ZNF479: variants seen among roughly 807,000 people sequenced by gnomAD.
The protein encoded by ZNF479 is KRAB zinc finger protein KR19.
In ZNF479, 15 loss-of-function variants were observed where a neutral mutation model predicts 14.7. The ratio of observed to expected loss-of-function variants is 1.02; its 90% CI spans 0.68 to 1.57. The LOEUF (loss-of-function observed/expected upper bound fraction) is 1.57. ZNF479 is among the 40% of genes most tolerant of loss of function. The pLI, the probability that ZNF479 is intolerant of heterozygous loss-of-function variation, is 0.00. For missense variants in ZNF479, 506 were observed against 615.1 expected (o/e 0.82, Z 1.88); for synonymous variants, 145 against 211.5 (o/e 0.69, Z 2.73).
At chr7:57,134,665 CTTTTTTTTTTTT>C (rs71053216), upstream of ZNF479, among the ~76,000 whole-genome samples, 8 of 106,482 alleles carry the variant, frequency 7.5e-5, no homozygotes, top group African/African-American at 2.6e-4. Flanking sequence ...TTTCTTCTAT[CTTTTTTTTTTTT>C]TTTTTTTTTG....
chr7:57,132,387 C>T lies in ZNF479; in HGVS notation c.-63G>A. 6.2e-7 allele frequency: 1 copy of T among 1,611,922 alleles called. No homozygotes were observed. The stretch of plus-strand genomic sequence containing the variant: ...GCTTGGCCTCTAGGAGCAGAGGACA[C>T]AGAGCAGTGAAGAGGAGAACTGCAG... On this transcript the variant is annotated 5_prime_UTR_variant, in exon 1 of 4. The change creates a new upstream start codon in the 5' untranslated region. Coordinates refer to ENST00000319636, the MANE Select transcript of ZNF479 (RefSeq NM_001370129.2).
upstream of ZNF479, among the ~76,000 whole-genome samples, chr7:57,132,652 C>A (rs532583303): frequency 1.3e-5 from 2 of 152,226 alleles, no homozygotes; most frequent in Admixed American, 1.3e-4. Context: ...CGGAGCCAGG[C>A]CAACTTCAGA....
Position 57,118,434 on chromosome 7 carries a change from C to G in ZNF479, c.*1406G>C, listed in dbSNP as rs1390341363. On this transcript the variant is annotated 3_prime_UTR_variant, in exon 4 of 4. Coordinates refer to ENST00000319636, the MANE Select transcript of ZNF479 (RefSeq NM_001370129.2). ...TCACCCAGGCTGTAGTGTAGTGGCTCTATCTCAGCTCACTGCAACCTCTGC... is the reference window on the plus strand; with the variant it reads ...TCACCCAGGCTGTAGTGTAGTGGCTGTATCTCAGCTCACTGCAACCTCTGC... Among the ~76,000 whole-genome samples the G allele has an allele frequency of 9.2e-5, 14 of 152,136 alleles. No individual in the cohort carries two copies. Among genetic ancestry groups the G allele is most frequent in the African/African-American group, 3.4e-4 (14 of 41,436 alleles).
intron 1 of ZNF479, 25 bp from the exon 2 acceptor site, chr7:57,126,743 C>T (rs1786186218): frequency 6.2e-7 from 1 of 1,613,570 alleles, no homozygotes; most frequent in Non-Finnish European, 8.5e-7. Context: ...AACAAAACCA[C>T]TCATGAACAC....
At chr7:57,139,158 C>A (rs1002011930) in intron 1 of ZNF479, among the ~76,000 whole-genome samples, 4 of 152,206 alleles carry the variant, frequency 2.6e-5, no homozygotes, top group Non-Finnish European at 4.4e-5. Context: ...GAGATTGTGA[C>A]TCTCATATGC....
At chr7:57,130,933 A>C (rs1259457715) in intron 1 of ZNF479, among the ~76,000 whole-genome samples, 1 of 152,234 alleles carries the variant, frequency 6.6e-6, no homozygotes, top group African/African-American at 2.4e-5. Flanking sequence ...AAGAAAGAAC[A>C]ACATCATGTC....
chr7:57,135,611 C>A (rs1406115835), upstream of ZNF479, among the ~76,000 whole-genome samples: 1 of 152,076 alleles, frequency 6.6e-6, no homozygotes, highest in Non-Finnish European at 1.5e-5. Context: ...TGGGGTTTCA[C>A]CATGTTGGCC....
At chr7:57,134,195 G>T (rs562713282), upstream of ZNF479, among the ~76,000 whole-genome samples, 1 of 152,156 alleles carries the variant, frequency 6.6e-6, no homozygotes, top group African/African-American at 2.4e-5. Context: ...TAAGTCACAG[G>T]ATAAATAGAA....
chr7:57,136,732 T>C (rs564918207), upstream of ZNF479, among the ~76,000 whole-genome samples: 314 of 152,294 alleles, frequency 2.1e-3, 1 homozygote, highest in African/African-American at 7.4e-3. Flanking sequence ...CAGGGTTCAA[T>C]TTCTGGCTTA....
chr7:57,137,377 T>G (rs909342009), upstream of ZNF479, among the ~76,000 whole-genome samples: 1 of 152,068 alleles, frequency 6.6e-6, no homozygotes, highest in African/African-American at 2.4e-5. Flanking sequence ...GTTGGTCAGG[T>G]TGGTCTTGAA....
At chr7:57,122,629 A>G (rs1340954640) in intron 3 of ZNF479, among the ~76,000 whole-genome samples, 1 of 152,190 alleles carries the variant, frequency 6.6e-6, no homozygotes, top group Non-Finnish European at 1.5e-5. Context: ...TAATGAGGAC[A>G]AATTTTTCTA....
At chr7:57,123,497 T>C (rs1222340692) in intron 3 of ZNF479, among the ~76,000 whole-genome samples, 1 of 152,190 alleles carries the variant, frequency 6.6e-6, no homozygotes. Context: ...ATATTCTTAT[T>C]TGCACCTGGT....
At chr7:57,135,973 ATCTCTCTCTCTCTCTC>A (rs57853604), upstream of ZNF479, among the ~76,000 whole-genome samples, 31 of 125,318 alleles carry the variant, frequency 2.5e-4, no homozygotes, top group Non-Finnish European at 3.1e-4. Flanking sequence ...CTCTCTCTCA[ATCTCTCTCTCTCTCTC>A]TCTCTCTCTC....
intron 3 of ZNF479, among the ~76,000 whole-genome samples, chr7:57,121,372 G>A (rs1785940516): frequency 6.6e-6 from 1 of 152,162 alleles, no homozygotes; most frequent in Non-Finnish European, 1.5e-5. Flanking sequence ...TGCACCATGT[G>A]AGCATGATGT....
upstream of ZNF479, among the ~76,000 whole-genome samples, chr7:57,133,308 T>C (rs982781703): frequency 8.6e-5 from 13 of 152,028 alleles, no homozygotes; most frequent in African/African-American, 2.7e-4. Context: ...TTTTCCACCA[T>C]GTAAGATGTG....
upstream of ZNF479, among the ~76,000 whole-genome samples, chr7:57,136,254 A>T (rs1786651802): frequency 6.6e-6 from 1 of 151,968 alleles, no homozygotes; most frequent in South Asian, 2.1e-4. Flanking sequence ...GTGGTGGCAG[A>T]CACTTGCAGT....
upstream of ZNF479, among the ~76,000 whole-genome samples, chr7:57,133,907 T>C (rs1786536959): frequency 6.6e-6 from 1 of 152,182 alleles, no homozygotes; most frequent in Admixed American, 6.5e-5. Context: ...GTGGAATTGA[T>C]TGCAACAACT....
upstream of ZNF479, among the ~76,000 whole-genome samples, chr7:57,133,137 G>GA (rs1004713736): frequency 2.6e-4 from 39 of 151,496 alleles, no homozygotes; most frequent in South Asian, 5.0e-3. Context: ...TCCTCTGAAA[G>GA]AAAAAAAAAT....
At chr7:57,136,278 G>C (rs1448004926), upstream of ZNF479, among the ~76,000 whole-genome samples, 2 of 152,036 alleles carry the variant, frequency 1.3e-5, no homozygotes, top group African/African-American at 2.4e-5. Flanking sequence ...AGCTACTCAG[G>C]AGGCTGAGGC....
Sources: gnomAD v4.1 joint callset for allele counts (sites outside exome capture counted in the v4.1 genomes callset) on GRCh38, gnomAD v4.1.1 for gene constraint, MANE v1.5 for transcripts, NCBI Gene and HGNC (gene_info 2026-07-23, HGNC 2026-07-21) for gene names.